The following PXT1 variants were observed in gnomAD, a reference collection of about 807,000 sequenced individuals.
PXT1 encodes peroxisomal testis-specific protein 1.
Under a neutral mutation model 11.0 loss-of-function variants are expected in PXT1, and 11 were observed. The observed-to-expected ratio is 1.00, with a 90% CI of 0.63 to 1.66. The LOEUF (loss-of-function observed/expected upper bound fraction) is 1.66, where lower values mean the gene tolerates loss of function less well. PXT1 is among the 40% of genes most tolerant of loss of function. PXT1 has a pLI of 0.00. For missense variants in PXT1, 141 were observed against 155.5 expected (o/e 0.91, Z 0.49); for synonymous variants, 43 against 51.4 (o/e 0.84, Z 0.70).
At chr6:36,423,490 C>CCGG (rs1774554371) in intron 3 of PXT1, among the ~76,000 whole-genome samples, 1 of 152,208 alleles carries the variant, frequency 6.6e-6, no homozygotes, top group Non-Finnish European at 1.5e-5. Flanking sequence ...GGCGACGCGG[C>CCGG]CGGCGGCGGC....
At chr6:36,438,967 TATCTC>T (rs931232299) in intron 1 of PXT1, 81 bp from the exon 2 acceptor site, 7 of 152,118 alleles carry the variant, frequency 4.6e-5, no homozygotes, top group African/African-American at 1.4e-4. Context: ...ACTAAATAAA[TATCTC>T]ATAGCTTTCT....
intron 3 of PXT1, among the ~76,000 whole-genome samples, chr6:36,412,410 C>T (rs1431956961): frequency 6.7e-6 from 1 of 150,182 alleles, no homozygotes; most frequent in East Asian, 2.0e-4. Context: ...GCCTGTAATC[C>T]CAGTACTTCG....
chr6:36,422,126 T>C (rs535154069), intron 3 of PXT1, among the ~76,000 whole-genome samples: 2 of 152,372 alleles, frequency 1.3e-5, no homozygotes, highest in East Asian at 3.9e-4. Flanking sequence ...TATATTGATA[T>C]GTATATTAGA....
chr6:36,413,294 G>A (rs1370872908), intron 3 of PXT1, among the ~76,000 whole-genome samples: 1 of 152,086 alleles, frequency 6.6e-6, no homozygotes, highest in African/African-American at 2.4e-5. Flanking sequence ...GTGGACGCCT[G>A]TAGTCCCAGC....
At chr6:36,426,427 A>C (rs1173953107) in intron 2 of PXT1, among the ~76,000 whole-genome samples, 2 of 128,688 alleles carry the variant, frequency 1.6e-5, no homozygotes, top group Admixed American at 2.0e-4. Flanking sequence ...CTGGAGTGCC[A>C]TGGCCCCATC....
chr6:36,414,188 G>T (rs1367241985), intron 3 of PXT1, among the ~76,000 whole-genome samples: 1 of 152,140 alleles, frequency 6.6e-6, no homozygotes, highest in Non-Finnish European at 1.5e-5. Context: ...TTAACAAAAG[G>T]TGGCTCCAAC....
In PXT1 at chr6:36,425,945, G is replaced by A. The variant is rs976392151; in HGVS notation, c.138C>T (p.Ser46=). The stretch of plus-strand genomic sequence containing the variant: ...TCCTTGACATGGCTGGAACTGGCTG[G>A]GAGCTGACAAGTTGGGTCATGTATG... ...QKAYMTQLVS[S]QPVPAMSRNP... The change falls in exon 3 of 5, where the codon TCC becomes TCT. Residue 46 remains serine (S), a synonymous_variant. Transcript: ENST00000454782. 7 of 1,535,242 alleles carry A rather than the reference G, an allele frequency of 4.6e-6. No individual in the cohort carries two copies. The highest frequency in any genetic ancestry group is 6.1e-6 in the Non-Finnish European group (7 of 1,146,332).
chr6:36,391,800 C>T lies in PXT1; in HGVS notation c.375G>A (p.Leu125=). 6.2e-7 allele frequency: 1 copy of T among 1,613,400 alleles called. No individual in the cohort carries two copies. The highest frequency in any genetic ancestry group is 8.5e-7 in the Non-Finnish European group (1 of 1,179,524). ...FFFFRRVQVL[L]HFFWNNHLL is the part of the protein sequence containing the mutation. ...GCAAATGGTTGTTCCAGAAAAAATGCAGCAACACCTGAACTCTTCTAAAGA... is the reference window on the plus strand; with the variant it reads ...GCAAATGGTTGTTCCAGAAAAAATGTAGCAACACCTGAACTCTTCTAAAGA... Residue 125 remains leucine (L), a synonymous_variant, in exon 5 of 5, where the codon CTG becomes CTA. Transcript: ENST00000454782.
chr6:36,392,752 T>A (rs1333828822), intron 4 of PXT1, among the ~76,000 whole-genome samples: 1 of 152,132 alleles, frequency 6.6e-6, no homozygotes, highest in Non-Finnish European at 1.5e-5. Context: ...AAGTAACAAC[T>A]GTTTATGTCG....
intron 4 of PXT1, among the ~76,000 whole-genome samples, chr6:36,397,263 AG>A (rs940864485): frequency 2.0e-5 from 3 of 152,206 alleles, no homozygotes; most frequent in Non-Finnish European, 4.4e-5. Context: ...GACAATTTAT[AG>A]GGAAACAATA....
At chr6:36,442,455 T>C (rs1774890357) in intron 1 of PXT1, 80 bp downstream of exon 1, 1 of 152,224 alleles carries the variant, frequency 6.6e-6, no homozygotes, top group South Asian at 2.1e-4. Flanking sequence ...GCTGAAATCT[T>C]TTACTCATAA....
chr6:36,439,437 C>T (rs1463729831), intron 1 of PXT1, among the ~76,000 whole-genome samples: 1 of 150,874 alleles, frequency 6.6e-6, no homozygotes, highest in Non-Finnish European at 1.5e-5. Context: ...CCTGGTGAAA[C>T]CCCATCTCTA....
Position 36,421,423 on chromosome 6 carries a change from T to A in PXT1, c.169+4491A>T, listed in dbSNP as rs564282165. ...CTGCCATGAGCTATGATCGCGCCAC[T>A]GCACTTCAGCCTGAGCAACTGAGTA... On this transcript the variant is annotated intron_variant, in intron 3 of 4. Coordinates refer to ENST00000454782, the MANE Select transcript of PXT1 (RefSeq NM_152990.4). Among the ~76,000 whole-genome samples the A allele has an allele frequency of 2.6e-3, 390 of 152,284 alleles. 3 individuals are homozygous for A. Among genetic ancestry groups the A allele is most frequent in the Non-Finnish European group, 3.8e-4 (26 of 68,030 alleles).
At chr6:36,397,092 T>C (rs1774155232) in intron 4 of PXT1, among the ~76,000 whole-genome samples, 1 of 152,218 alleles carries the variant, frequency 6.6e-6, no homozygotes, top group Non-Finnish European at 1.5e-5. Flanking sequence ...TAACACTCAA[T>C]AAAGCTCATC....
intron 3 of PXT1, among the ~76,000 whole-genome samples, chr6:36,403,068 CG>C (rs1456612370): frequency 2.0e-5 from 3 of 151,974 alleles, no homozygotes; most frequent in African/African-American, 7.3e-5. Context: ...CCATGTTGGC[CG>C]GAGTGGTCTC....
At chr6:36,423,966 G>A (rs751289214) in intron 3 of PXT1, among the ~76,000 whole-genome samples, 49 of 152,166 alleles carry the variant, frequency 3.2e-4, no homozygotes, top group African/African-American at 9.2e-4. Flanking sequence ...TCTAAATCAA[G>A]GGCAGCAGCG....
rs564523882 is a variant in PXT1 at position 36,415,091 on chromosome 6, C to T, written c.169+10823G>A. On this transcript the variant is annotated intron_variant, in intron 3 of 4. Coordinates refer to ENST00000454782, the MANE Select transcript of PXT1 (RefSeq NM_152990.4). ...AATAATTTGCTTAAATTTAGCAGGC[C>T]TACAAATCAATCTCAGGAAGGCTCA... is the stretch of plus-strand genomic sequence containing the variant. Among the ~76,000 whole-genome samples, 96 of 152,158 alleles carry T rather than the reference C, an allele frequency of 6.3e-4. 2 individuals carry two copies. The South Asian group carries it at 0.018, about 29-fold the overall frequency.
chr6:36,433,825 G>GA (rs537019841), intron 2 of PXT1, among the ~76,000 whole-genome samples: 1,483 of 12,328 alleles, frequency 0.12, 43 homozygotes, highest in African/African-American at 0.29. Flanking sequence ...TCTGTCTCAG[G>GA]AAAAAAAAAA....
intron 3 of PXT1, among the ~76,000 whole-genome samples, chr6:36,401,797 A>C (rs1464004131): frequency 6.6e-6 from 1 of 151,262 alleles, no homozygotes; most frequent in African/African-American, 2.4e-5. Flanking sequence ...AAATGTGGTT[A>C]GTAGCTATTG....
Sources: gnomAD v4.1 joint callset for allele counts (sites outside exome capture counted in the v4.1 genomes callset) on GRCh38, gnomAD v4.1.1 for gene constraint, MANE v1.5 for transcripts, NCBI Gene and HGNC (gene_info 2026-07-23, HGNC 2026-07-21) for gene names.